CACNA2D3: variants seen among roughly 807,000 people sequenced by gnomAD.
CACNA2D3 encodes the protein voltage-dependent calcium channel subunit alpha-2/delta-3.
In CACNA2D3, 60 loss-of-function variants were observed where a neutral mutation model predicts 160.6. The observed-to-expected ratio is 0.37, with a 90% CI of 0.30 to 0.46. The LOEUF (loss-of-function observed/expected upper bound fraction) is 0.46. Ranked by LOEUF, CACNA2D3 falls within the 20% of genes least tolerant of loss-of-function variation. The pLI, the probability that CACNA2D3 is intolerant of heterozygous loss-of-function variation, is 1.00. For missense variants in CACNA2D3, 1,205 were observed against 1,365.0 expected, an observed-to-expected ratio of 0.88 and a Z score of 1.85; for synonymous variants, 558 against 492.9, an observed-to-expected ratio of 1.13 and a Z score of -1.75.
chr3:54,613,385 A>G (rs976805343), intron 9 of CACNA2D3, among the ~76,000 whole-genome samples: 2 of 152,154 alleles, frequency 1.3e-5, no homozygotes, highest in Non-Finnish European at 2.9e-5. Context: ...TAATGGGAGC[A>G]CTTATTTCAT....
At chr3:54,551,274 G>A (rs192629054) in intron 5 of CACNA2D3, among the ~76,000 whole-genome samples, 25 of 152,262 alleles carry the variant, frequency 1.6e-4, no homozygotes, top group Admixed American at 1.3e-3. Flanking sequence ...CACTCCACTA[G>A]GTCAAAGGCC....
intron 27 of CACNA2D3, among the ~76,000 whole-genome samples, chr3:54,946,833 G>C (rs6789935): frequency 0.26 from 39,905 of 151,410 alleles, 5,578 homozygotes; most frequent in African/African-American, 0.35. Flanking sequence ...AAAAAAAAAT[G>C]ATGGGACCAT....
chr3:54,340,841 G>C (rs894193958), intron 3 of CACNA2D3, among the ~76,000 whole-genome samples: 7 of 152,174 alleles, frequency 4.6e-5, no homozygotes, highest in Non-Finnish European at 4.4e-5. Context: ...CACATCCCAG[G>C]TGTGAGCACA....
chr3:54,947,196 G>A (rs1318920173), intron 27 of CACNA2D3, among the ~76,000 whole-genome samples: 1 of 152,114 alleles, frequency 6.6e-6, no homozygotes, highest in Non-Finnish European at 1.5e-5. Flanking sequence ...TAAGTAACTT[G>A]CCTAAATCCC....
chr3:54,194,221 G>A (rs939032233), intron 2 of CACNA2D3, among the ~76,000 whole-genome samples: 3 of 152,112 alleles, frequency 2.0e-5, no homozygotes, highest in Non-Finnish European at 4.4e-5. Context: ...AGAAGATAGG[G>A]CTTGAAATGT....
At chr3:54,709,592 A>G (rs1452054697) in intron 11 of CACNA2D3, among the ~76,000 whole-genome samples, 1 of 151,378 alleles carries the variant, frequency 6.6e-6, no homozygotes, top group Admixed American at 6.6e-5. Context: ...GAACTCCTGG[A>G]CTCAAGTGAT....
At position 54,303,917 on chromosome 3, in the gene CACNA2D3, A is replaced by T. The variant is rs541578416; in HGVS notation, c.205-16525A>T. On this transcript the variant is annotated intron_variant, in intron 2 of 37. Coordinates refer to ENST00000474759, the MANE Select transcript of CACNA2D3 (RefSeq NM_018398.3). ...CTCTCCATGGAAGAGTCCAGGGGCC[A>T]CTCTTTGAGATGCCTGGGACAGAAT... is the stretch of plus-strand genomic sequence containing the variant. Among the ~76,000 whole-genome samples, 15 of 144,348 alleles carry T rather than the reference A, an allele frequency of 1.0e-4. No homozygotes were observed. The East Asian group carries it at 2.7e-3, about 26-fold the overall frequency. The allele number at this position is 144,348 out of a possible 152,430, so 94.7% of individuals were successfully genotyped here.
intron 4 of CACNA2D3, among the ~76,000 whole-genome samples, chr3:54,429,534 A>G (rs1699957743): frequency 1.3e-5 from 2 of 152,036 alleles, no homozygotes; most frequent in Non-Finnish European, 2.9e-5. Flanking sequence ...TATTTGTAGT[A>G]CCCTCTTTAA....
rs553089137 is a variant in CACNA2D3, at chr3:55,027,607, C to T, written c.2987+9290C>T. Among the ~76,000 whole-genome samples, 5 of 152,234 alleles carry T rather than the reference C, an allele frequency of 3.3e-5. No individual in the cohort carries two copies. The South Asian group carries it at 8.3e-4, about 25-fold the overall frequency. On this transcript the variant is annotated intron_variant, in intron 35 of 37. Coordinates refer to ENST00000474759, the MANE Select transcript of CACNA2D3 (RefSeq NM_018398.3). ...ATTTTTCAGGTCTAGTTCTCTAAGA[C>T]AATTACTAATTTTTGACCAACTTTG...
At chr3:54,981,221 T>G (rs1185771652) in intron 29 of CACNA2D3, among the ~76,000 whole-genome samples, 33 of 152,238 alleles carry the variant, frequency 2.2e-4, no homozygotes, top group Admixed American at 2.2e-3. Context: ...AGCAAAGTTT[T>G]TAACTGACCA....
chr3:54,859,068 C>G (rs1699229412), intron 17 of CACNA2D3, among the ~76,000 whole-genome samples: 1 of 152,178 alleles, frequency 6.6e-6, no homozygotes, highest in African/African-American at 2.4e-5. Flanking sequence ...TCTTTTATTT[C>G]TTGCTCCCCT....
intron 27 of CACNA2D3, among the ~76,000 whole-genome samples, chr3:54,917,612 A>G (rs1700694019): frequency 6.6e-6 from 1 of 152,230 alleles, no homozygotes; most frequent in African/African-American, 2.4e-5. Flanking sequence ...CACAAAAGTC[A>G]TTATCTCGCT....
At chr3:54,423,528 G>A (rs911237630) in intron 4 of CACNA2D3, among the ~76,000 whole-genome samples, 1 of 152,146 alleles carries the variant, frequency 6.6e-6, no homozygotes, top group Non-Finnish European at 1.5e-5. Context: ...TATTGAGCTT[G>A]GAGAGCAATG....
chr3:54,980,087 T>G (rs900888451), intron 29 of CACNA2D3, among the ~76,000 whole-genome samples: 2 of 152,330 alleles, frequency 1.3e-5, no homozygotes, highest in African/African-American at 2.4e-5. Context: ...CATTTGATAA[T>G]GCTTCCTGTT....
At chr3:54,310,600 A>G (rs547470264) in intron 2 of CACNA2D3, among the ~76,000 whole-genome samples, 6 of 152,176 alleles carry the variant, frequency 3.9e-5, no homozygotes, top group Admixed American at 1.3e-4. Flanking sequence ...TTGTGAATGT[A>G]TTAGAAAAAT....
intron 9 of CACNA2D3, among the ~76,000 whole-genome samples, chr3:54,607,622 G>A (rs929096337): frequency 2.0e-5 from 3 of 152,178 alleles, no homozygotes; most frequent in Admixed American, 6.5e-5. Context: ...TGATAGGAAC[G>A]TAAAATAGTG....
intron 11 of CACNA2D3, among the ~76,000 whole-genome samples, chr3:54,695,034 T>C (rs1700639145): frequency 6.6e-6 from 1 of 152,168 alleles, no homozygotes. Flanking sequence ...ATTTTTTTTT[T>C]GAGATGGAGT....
chr3:55,013,622 T>C (rs963671050), intron 34 of CACNA2D3, among the ~76,000 whole-genome samples: 2 of 152,192 alleles, frequency 1.3e-5, no homozygotes, highest in African/African-American at 2.4e-5. Context: ...ATCTTTGTTT[T>C]AGCTAAAAAT....
intron 27 of CACNA2D3, among the ~76,000 whole-genome samples, chr3:54,965,732 G>A (rs549951135): frequency 3.3e-5 from 5 of 152,196 alleles, no homozygotes; most frequent in Non-Finnish European, 7.3e-5. Flanking sequence ...CCAGGGGCCA[G>A]TGTTACTGGA....
Sources: allele counts gnomAD v4.1 joint callset (sites outside exome capture counted in the v4.1 genomes callset), GRCh38; gene constraint gnomAD v4.1.1; transcripts MANE v1.5; gene names NCBI Gene and HGNC (gene_info 2026-07-23, HGNC 2026-07-21).